POLR2B: variants seen among roughly 807,000 people sequenced by gnomAD.
The protein encoded by POLR2B is DNA-directed RNA polymerase II subunit RPB2.
A neutral mutation model predicts 144.6 loss-of-function variants in POLR2B; 57 were observed. That is an observed-to-expected ratio of 0.39 (90% CI 0.32 to 0.49). POLR2B has a LOEUF of 0.49. Ranked by LOEUF, POLR2B falls within the 20% of genes least tolerant of loss-of-function variation. The probability of loss-of-function intolerance (pLI) is 0.83; values close to 1 mark genes in which losing one functional copy is unlikely to be tolerated. For synonymous variants in POLR2B, 442 were observed against 469.8 expected, an observed-to-expected ratio of 0.94 and a Z score of 0.77; for missense variants, 595 against 1,467.4, an observed-to-expected ratio of 0.41 and a Z score of 9.71.
intron 7 of POLR2B, chr4:57,002,722 C>T (rs548350847): frequency 6.6e-6 from 1 of 151,922 alleles, no homozygotes; most frequent in South Asian, 2.1e-4. Context: ...TATACTAATA[C>T]TGGAACAATA....
chr4:57,016,845 A>G (rs925863388), intron 14 of POLR2B, among the ~76,000 whole-genome samples, 198 bp from the exon 15 acceptor site: 9 of 148,754 alleles, frequency 6.1e-5, no homozygotes, highest in Non-Finnish European at 1.3e-4. Context: ...CAGCTTACCT[A>G]TTTCACTTGT....
intron 18 of POLR2B, among the ~76,000 whole-genome samples, chr4:57,022,956 A>G (rs996754870): frequency 6.6e-6 from 1 of 152,220 alleles, no homozygotes; most frequent in Admixed American, 6.5e-5. Flanking sequence ...GAGGGCATCC[A>G]TAGATACTCT....
At chr4:57,004,451 T>G (rs566304275) in intron 7 of POLR2B, among the ~76,000 whole-genome samples, 9 of 152,020 alleles carry the variant, frequency 5.9e-5, no homozygotes, top group Non-Finnish European at 8.8e-5. Flanking sequence ...TGGGTGGTCT[T>G]GAACTCCTGG....
At position 56,999,734 on chromosome 4, in the gene POLR2B, T is replaced by C. The variant is rs1399930649; in HGVS notation, c.853T>C (p.Leu285=). 3 of 1,611,052 alleles carry C rather than the reference T, an allele frequency of 1.9e-6. No individual in the cohort carries two copies. ...ALGFVSDRDI[L]EHIIYDFEDP... is the part of the protein sequence containing the mutation. ...AGGTTTTGTGTCCGACAGAGATATT[T>C]TAGAACATATTATTTATGATTTTGA... is the stretch of plus-strand genomic sequence containing the variant. Residue 285 remains leucine, a synonymous_variant, in exon 7 of 25, where the codon TTA becomes CTA. Transcript: ENST00000314595.
At position 57,023,270 on chromosome 4, in the gene POLR2B, G is replaced by T. The variant is rs532118259; in HGVS notation, c.2516-60G>T. 6 of 1,565,722 alleles carry T rather than the reference G, an allele frequency of 3.8e-6. No homozygotes were observed. Among genetic ancestry groups the T allele is most frequent in the East Asian group, 4.5e-5 (2 of 44,598 alleles). On this transcript the variant is annotated intron_variant, in intron 18 of 24. Coordinates refer to ENST00000314595, the MANE Select transcript of POLR2B (RefSeq NM_000938.3). This position sits in a 1 kb window ranked among gnomAD's most constrained non-coding sequence, Gnocchi z 4.3. ...TCTCTCTGACTTGGAACTGATTCAT[G>T]TATGTGGTTTTTAATCTTTGTTGGG...
At chr4:57,012,467 A>C (rs973547744) in intron 13 of POLR2B, among the ~76,000 whole-genome samples, 4 of 152,182 alleles carry the variant, frequency 2.6e-5, no homozygotes, top group South Asian at 4.1e-4. Context: ...TACTCTCCCA[A>C]GTAAGGGTTT....
At chr4:56,983,631 A>T (rs1433155645) in intron 1 of POLR2B, among the ~76,000 whole-genome samples, 2 of 151,956 alleles carry the variant, frequency 1.3e-5, no homozygotes, top group Admixed American at 6.6e-5. Context: ...TGGGTTCCCA[A>T]ACTGCTGGGA....
intron 6 of POLR2B, among the ~76,000 whole-genome samples, chr4:56,996,875 CG>C (rs887937962): frequency 1.3e-5 from 2 of 151,922 alleles, no homozygotes; most frequent in African/African-American, 2.4e-5. Flanking sequence ...TGCTTGAGCC[CG>C]GGATGTGAGA....
chr4:57,018,122 TAAATA>T (rs1416810417), intron 16 of POLR2B, among the ~76,000 whole-genome samples: 3 of 152,152 alleles, frequency 2.0e-5, no homozygotes, highest in Non-Finnish European at 4.4e-5. Flanking sequence ...GAGTGGAGTG[TAAATA>T]TATGGAAGTG....
At chr4:56,979,542 T>G (rs1164691697) in intron 1 of POLR2B, among the ~76,000 whole-genome samples, 1 of 152,174 alleles carries the variant, frequency 6.6e-6, no homozygotes, top group Admixed American at 6.5e-5. Context: ...TTTAACTTCC[T>G]CTTCTCACAA....
rs1274312823 is a variant in POLR2B, at chr4:57,023,588, C to T, written c.2766+8C>T. The T allele has an allele frequency of 1.9e-6, 3 of 1,613,018 alleles. No homozygotes were observed. The highest frequency in any genetic ancestry group is 1.7e-5 in the Admixed American group (1 of 59,950). On this transcript the variant is annotated splice_region_variant and intron_variant, in intron 19 of 24. Transcript: ENST00000314595. The surrounding 1 kb of genome is among the most constrained non-coding windows in gnomAD (Gnocchi z 4.3). ...AAATTTTGTAAAATAAGGGTGAGTA[C>T]AACTTTGTTCATGTAGCTAGTTTTA...
At chr4:57,002,736 A>G (rs1722894191) in intron 7 of POLR2B, 1 of 152,144 alleles carries the variant, frequency 6.6e-6, no homozygotes, top group Non-Finnish European at 1.5e-5. Flanking sequence ...AACAATATGT[A>G]GGTTAGCATG....
rs896561545 is a variant in POLR2B at position 56,978,933 on chromosome 4, C to T, written c.-53C>T. 1 of 1,576,296 alleles carries T rather than the reference C, an allele frequency of 6.3e-7. No individual in the cohort carries two copies. Among genetic ancestry groups the T allele is most frequent in the Non-Finnish European group, 8.7e-7 (1 of 1,145,888 alleles). On this transcript the variant is annotated 5_prime_UTR_variant, in exon 1 of 25. Coordinates refer to ENST00000314595, the MANE Select transcript of POLR2B (RefSeq NM_000938.3). ...GCTCCTGGCGCTGCTGGCTTCTGGG[C>T]GGTTTTTGTCTTTTGATTTCAAGAG...
At chr4:57,026,864 A>C (rs1374019500) in intron 23 of POLR2B, among the ~76,000 whole-genome samples, 1 of 152,226 alleles carries the variant, frequency 6.6e-6, no homozygotes, top group Non-Finnish European at 1.5e-5. Context: ...ATTTTTGCGA[A>C]TCTCTCTAAT....
At chr4:56,983,847 C>G (rs1174847447) in intron 1 of POLR2B, among the ~76,000 whole-genome samples, 1 of 150,764 alleles carries the variant, frequency 6.6e-6, no homozygotes, top group East Asian at 2.0e-4. Flanking sequence ...CTTTTCAGAT[C>G]TTTGTCAGGA....
Position 57,022,866 on chromosome 4 carries a change from G to A in POLR2B, c.2516-464G>A, listed in dbSNP as rs147168672. Among the ~76,000 whole-genome samples the A allele has an allele frequency of 2.1e-3, 318 of 152,314 alleles. 2 individuals are homozygous for A. Among genetic ancestry groups the A allele is most frequent in the African/African-American group, 7.5e-3 (310 of 41,558 alleles). On this transcript the variant is annotated intron_variant, in intron 18 of 24. Transcript: ENST00000314595. ...TACTCCCCTTCCATTGGGTGGCTCT[G>A]TGTAGTAGTGAATTGATGTCCAGTG...
chr4:57,000,297 G>T (rs930281033), intron 7 of POLR2B, among the ~76,000 whole-genome samples: 11 of 152,168 alleles, frequency 7.2e-5, no homozygotes, highest in African/African-American at 2.4e-4. Context: ...AGGCATGGTG[G>T]CATGTTCCTG....
chr4:57,015,846 C>T (rs975629580), intron 14 of POLR2B, among the ~76,000 whole-genome samples, 190 bp downstream of exon 14: 2 of 152,092 alleles, frequency 1.3e-5, no homozygotes, highest in Admixed American at 6.5e-5. Flanking sequence ...CTAACCTCCA[C>T]CTCCTGGGTT....
chr4:57,010,172 A>G, intron 10 of POLR2B, 189 bp from the exon 11 acceptor site: 1 of 558,728 alleles, frequency 1.8e-6, no homozygotes, highest in East Asian at 2.9e-5. Context: ...ATGTTTGAAT[A>G]TATTTGCCAT....
Sources: allele counts gnomAD v4.1 joint callset (sites outside exome capture counted in the v4.1 genomes callset), GRCh38; gene constraint gnomAD v4.1.1; non-coding constraint Gnocchi (gnomAD v3.1); transcripts MANE v1.5; gene names NCBI Gene and HGNC (gene_info 2026-07-23, HGNC 2026-07-21).